STAU2: variants seen among roughly 807,000 people sequenced by gnomAD.
The protein encoded by STAU2 is double-stranded RNA-binding protein Staufen homolog 2.
In STAU2, 20 loss-of-function variants were observed where a neutral mutation model predicts 65.9. The observed-to-expected ratio is 0.30, with a 90% CI of 0.21 to 0.44. STAU2 has a LOEUF of 0.44. Ranked by LOEUF, STAU2 falls within the 20% of genes least tolerant of loss-of-function variation. The probability of loss-of-function intolerance (pLI) is 1.00; values close to 1 mark genes in which losing one functional copy is unlikely to be tolerated. For synonymous variants in STAU2, 232 were observed against 233.9 expected (o/e 0.99, Z 0.07); for missense variants, 558 against 683.9 (o/e 0.82, Z 2.05).
At chr8:73,685,925 G>A (rs181855179) in intron 5 of STAU2, among the ~76,000 whole-genome samples, 7 of 152,182 alleles carry the variant, frequency 4.6e-5, no homozygotes, top group Admixed American at 2.0e-4. Context: ...ATCAACGAAC[G>A]GATAAAGAAA....
rs183609505 is a variant in STAU2, at chr8:73,434,616, C to T, written c.1531-11914G>A. 5.3e-5 allele frequency among the ~76,000 whole-genome samples: 8 copies of T among 151,926 alleles called. No individual in the cohort carries two copies. In the East Asian group the frequency reaches 1.2e-3, roughly 22 times the overall value. On this transcript the variant is annotated intron_variant, in intron 13 of 14. Transcript: ENST00000524300. ...TTCATCATTTGTAAGCTGAAGGCTA[C>T]GTGACTGCACCGGATTATCTGAGAG...
chr8:73,604,280 G>GT (rs1811853674), intron 9 of STAU2, among the ~76,000 whole-genome samples: 1 of 152,074 alleles, frequency 6.6e-6, no homozygotes, highest in Non-Finnish European at 1.5e-5. Context: ...CCAGGCTGGA[G>GT]TGTGGTAGTG....
chr8:73,650,124 A>C (rs1232810393), intron 6 of STAU2, among the ~76,000 whole-genome samples: 1 of 151,710 alleles, frequency 6.6e-6, no homozygotes, highest in Admixed American at 6.6e-5. Context: ...GAATATCCAG[A>C]TGTCTTGGGA....
At chr8:73,689,420 C>T (rs910562036) in intron 4 of STAU2, among the ~76,000 whole-genome samples, 8 of 152,196 alleles carry the variant, frequency 5.3e-5, no homozygotes, top group Admixed American at 5.2e-4. Flanking sequence ...TAATATTCTT[C>T]CAGCTGATCA....
chr8:73,433,877 C>T (rs1337069214), intron 13 of STAU2, among the ~76,000 whole-genome samples: 1 of 151,820 alleles, frequency 6.6e-6, no homozygotes, highest in Admixed American at 6.5e-5. Flanking sequence ...CGGGCACATC[C>T]ACCTGCTGCT....
intron 9 of STAU2, among the ~76,000 whole-genome samples, chr8:73,607,560 T>A (rs1015194084): frequency 1.3e-5 from 2 of 150,952 alleles, no homozygotes; most frequent in South Asian, 4.2e-4. Context: ...AGAAACCCCA[T>A]CTCTACTAAA....
intron 1 of STAU2, among the ~76,000 whole-genome samples, chr8:73,746,012 CTT>C (rs1807247306): frequency 6.6e-6 from 1 of 151,906 alleles, no homozygotes; most frequent in Non-Finnish European, 1.5e-5. Flanking sequence ...CGTAACTGAG[CTT>C]TGTCTCCTCG....
chr8:73,611,999 T>C (rs890544924), intron 9 of STAU2, among the ~76,000 whole-genome samples: 1 of 152,182 alleles, frequency 6.6e-6, no homozygotes, highest in Non-Finnish European at 1.5e-5. Flanking sequence ...GCCTGGTTTA[T>C]TATTCTTAAT....
At chr8:73,468,593 TCAAA>T (rs1819795204) in intron 13 of STAU2, among the ~76,000 whole-genome samples, 1 of 151,978 alleles carries the variant, frequency 6.6e-6, no homozygotes, top group African/African-American at 2.4e-5. Flanking sequence ...TACAAAGAAC[TCAAA>T]CAAATTTACA....
intron 6 of STAU2, among the ~76,000 whole-genome samples, chr8:73,642,760 G>C (rs773120934): frequency 2.0e-5 from 3 of 152,152 alleles, no homozygotes; most frequent in Non-Finnish European, 4.4e-5. Flanking sequence ...GGGTGGAGTG[G>C]GTTGGGGTGA....
intron 13 of STAU2, among the ~76,000 whole-genome samples, chr8:73,426,372 A>G (rs995766748): frequency 2.6e-5 from 4 of 152,212 alleles, no homozygotes; most frequent in Non-Finnish European, 4.4e-5. Context: ...TGTTAACTAT[A>G]GTCTTTCTAC....
At chr8:73,738,571 T>C (rs1806607881) in intron 2 of STAU2, among the ~76,000 whole-genome samples, 2 of 152,166 alleles carry the variant, frequency 1.3e-5, no homozygotes, top group Non-Finnish European at 2.9e-5. Context: ...GCTAGAGCAA[T>C]CAAGAAAATA....
chr8:73,472,383 T>A (rs116218191), intron 13 of STAU2, among the ~76,000 whole-genome samples: 1 of 152,240 alleles, frequency 6.6e-6, no homozygotes, highest in African/African-American at 2.4e-5. Context: ...AAGTGAAAAG[T>A]TGGCCCCACA....
At chr8:73,662,599 T>TTTGTTGTTGTCG (rs1816912961) in intron 6 of STAU2, among the ~76,000 whole-genome samples, 1 of 150,584 alleles carries the variant, frequency 6.6e-6, no homozygotes, top group Non-Finnish European at 1.5e-5. Context: ...TTCAGGGGTT[T>TTTGTTGTTGTCG]TTGTTGTTGT....
chr8:73,673,944 C>A (rs76969402), intron 5 of STAU2, among the ~76,000 whole-genome samples: 5,307 of 151,964 alleles, frequency 0.035, 266 homozygotes, highest in African/African-American at 0.12. Flanking sequence ...ACACACCTTG[C>A]TTCTTTTATT....
intron 4 of STAU2, among the ~76,000 whole-genome samples, chr8:73,692,491 G>A (rs764231148): frequency 1.1e-4 from 17 of 151,942 alleles, no homozygotes; most frequent in Admixed American, 2.0e-4. Flanking sequence ...CCACCACGCC[G>A]GCCCTCCTAT....
rs1821530728 is a variant in STAU2 at position 73,498,097 on chromosome 8, T to C, written c.1530+53915A>G. Among the ~76,000 whole-genome samples the C allele has an allele frequency of 2.0e-5, 3 of 152,000 alleles. No homozygotes were observed. In the South Asian group the frequency reaches 6.2e-4, roughly 31 times the overall value. ...TGTCCGTTGAAGTTAACTTTCTACATGATTTATATTATTTAATGAACATTT... is the reference window on the plus strand; with the variant it reads ...TGTCCGTTGAAGTTAACTTTCTACACGATTTATATTATTTAATGAACATTT... On this transcript the variant is annotated intron_variant, in intron 13 of 14. Transcript: ENST00000524300.
At chr8:73,521,528 T>C (rs946892687) in intron 13 of STAU2, among the ~76,000 whole-genome samples, 3 of 152,226 alleles carry the variant, frequency 2.0e-5, no homozygotes, top group African/African-American at 4.8e-5. Flanking sequence ...ATTGGATTTT[T>C]ATTCAAAATA....
chr8:73,434,454 C>T (rs1585742656), intron 13 of STAU2, among the ~76,000 whole-genome samples: 1 of 151,858 alleles, frequency 6.6e-6, no homozygotes, highest in Admixed American at 6.5e-5. Context: ...AAAATGAATA[C>T]ACTCTCCCTG....
Sources: gnomAD v4.1 joint callset for allele counts (sites outside exome capture counted in the v4.1 genomes callset) on GRCh38, gnomAD v4.1.1 for gene constraint, MANE v1.5 for transcripts, NCBI Gene and HGNC (gene_info 2026-07-23, HGNC 2026-07-21) for gene names.